The following NNMT variants were observed in gnomAD, a reference collection of about 807,000 sequenced individuals.
The protein encoded by NNMT is nicotinamide N-methyltransferase.
A neutral mutation model predicts 11.7 loss-of-function variants in NNMT; 10 were observed. That is an observed-to-expected ratio of 0.85 (90% confidence interval 0.53 to 1.45). The LOEUF (loss-of-function observed/expected upper bound fraction) is 1.45, where lower values mean the gene tolerates loss of function less well. Ranked by LOEUF, NNMT falls within the 40% of genes most tolerant of loss-of-function variation. The pLI is 0.00. For missense variants in NNMT, 381 were observed against 319.4 expected (o/e 1.19, Z -1.47); for synonymous variants, 143 against 133.8 (o/e 1.07, Z -0.48).
intron 2 of NNMT, among the ~76,000 whole-genome samples, chr11:114,310,858 G>A (rs949500760): frequency 5.3e-5 from 8 of 152,108 alleles, no homozygotes; most frequent in Admixed American, 3.3e-4. Context: ...TCCTTTGTCC[G>A]CCCCTGCTCT....
intron 2 of NNMT, among the ~76,000 whole-genome samples, chr11:114,279,664 G>T (rs1404130894): frequency 6.6e-6 from 1 of 152,214 alleles, no homozygotes; most frequent in Non-Finnish European, 1.5e-5. Flanking sequence ...AGCAGAAGGA[G>T]ACAGTGCTAG....
At chr11:114,277,573 G>T (rs2135253648) in intron 2 of NNMT, among the ~76,000 whole-genome samples, 1 of 152,330 alleles carries the variant, frequency 6.6e-6, no homozygotes, top group East Asian at 1.9e-4. Context: ...AAGGAATGGG[G>T]TTGAGGGGTG....
At chr11:114,286,203 A>G (rs1192870084) in intron 2 of NNMT, among the ~76,000 whole-genome samples, 2 of 152,194 alleles carry the variant, frequency 1.3e-5, no homozygotes, top group East Asian at 3.8e-4. Flanking sequence ...TATCAAGTAG[A>G]CTTGATCTCT....
rs149801990 is a variant in NNMT, at chr11:114,260,340, A to T, written c.-217+2462A>T. On this transcript the variant is annotated intron_variant, in intron 1 of 4. Coordinates refer to the NNMT transcript ENST00000535401. The stretch of plus-strand genomic sequence containing the variant: ...TTCTACCCCTTGCCACGAGAAAGGA[A>T]GCCCTTCCCTATGTGGAACTGAAAC... Among the ~76,000 whole-genome samples the T allele has an allele frequency of 5.1e-4, 77 of 152,346 alleles. No individual in the cohort carries two copies. In the South Asian group the frequency reaches 0.015, roughly 30 times the overall value.
chr11:114,312,521 T>C lies in NNMT; in HGVS notation c.*44T>C. On this transcript the variant is annotated 3_prime_UTR_variant, in exon 3 of 3. Transcript: ENST00000299964. ...AAGCAATTCCTTTGACCTGTCCAGT[T>C]GACTTTAGTCCTTGTTTCTAACTGC... is the stretch of plus-strand genomic sequence containing the variant. 6.4e-7 allele frequency: 1 copy of C among 1,567,528 alleles called. No homozygotes were observed. Among genetic ancestry groups the C allele is most frequent in the South Asian group, 1.2e-5 (1 of 86,486 alleles).
At chr11:114,278,851 T>G (rs1317685034) in intron 2 of NNMT, among the ~76,000 whole-genome samples, 1 of 152,070 alleles carries the variant, frequency 6.6e-6, no homozygotes, top group Non-Finnish European at 1.5e-5. Context: ...GAGCTCCAAG[T>G]GTACACAGGA....
Position 114,312,703 on chromosome 11 carries a change from C to T in NNMT, c.*226C>T. 1.9e-6 allele frequency: 1 copy of T among 528,984 alleles called. No homozygotes were observed. The highest frequency in any genetic ancestry group is 3.3e-6 in the Non-Finnish European group (1 of 299,012). The allele number at this position is 528,984 out of a possible 1,614,324, so 32.8% of individuals were successfully genotyped here. A position where few individuals can be genotyped will look rare whatever the true frequency, so the allele number is the denominator to read the frequency against. ...GACCCAAAGATGAGCAATTAGTATT[C>T]CAGTCTTCATTGCCTGTGCTTACAA... is the stretch of plus-strand genomic sequence containing the variant. On this transcript the variant is annotated 3_prime_UTR_variant, in exon 3 of 3. Coordinates refer to ENST00000299964, the MANE Select transcript of NNMT (RefSeq NM_006169.3).
chr11:114,310,381 T>C (rs879443681), intron 2 of NNMT, among the ~76,000 whole-genome samples: 10 of 152,262 alleles, frequency 6.6e-5, no homozygotes, highest in Admixed American at 3.9e-4. Flanking sequence ...TTTCATCTGC[T>C]AATTGCTAAG....
intron 2 of NNMT, among the ~76,000 whole-genome samples, chr11:114,271,672 T>A (rs1382171917): frequency 3.9e-5 from 6 of 152,192 alleles, no homozygotes; most frequent in African/African-American, 1.4e-4. Context: ...CTTCCTGTGT[T>A]CCCTACTTTA....
chr11:114,265,755 A>G (rs1945115090), intron 2 of NNMT, among the ~76,000 whole-genome samples: 1 of 152,156 alleles, frequency 6.6e-6, no homozygotes, highest in South Asian at 2.1e-4. Context: ...CTTTGGCTGT[A>G]TTTGCTTCCA....
chr11:114,303,086 T>G (rs1945454195), intron 2 of NNMT, among the ~76,000 whole-genome samples: 1 of 152,240 alleles, frequency 6.6e-6, no homozygotes. Context: ...GGCTATATTA[T>G]GCATATATTT....
Position 114,312,249 on chromosome 11 carries a change from A to AG in NNMT, c.572dup (p.Phe192LeufsTer17). On this transcript the variant is annotated frameshift_variant, in exon 3 of 3. Coordinates refer to ENST00000299964, the MANE Select transcript of NNMT (RefSeq NM_006169.3). LOFTEE classifies it low-confidence loss of function (END_TRUNC). Reference sequence around the variant, plus strand: ...GGAACCTCGGCAGCCTACTGAAGCCAGGGGGCTTCCTGGTGATCATGGATG... The same window carrying AG: ...GGAACCTCGGCAGCCTACTGAAGCCAGGGGGGCTTCCTGGTGATCATGGATG... 1 of 1,614,192 alleles carries AG rather than the reference A, an allele frequency of 6.2e-7. No individual in the cohort carries two copies. The highest frequency in any genetic ancestry group is 2.2e-5 in the East Asian group (1 of 44,870).
At chr11:114,280,520 G>C (rs1398404936) in intron 2 of NNMT, among the ~76,000 whole-genome samples, 1 of 152,128 alleles carries the variant, frequency 6.6e-6, no homozygotes, top group Non-Finnish European at 1.5e-5. Context: ...CCCTGCCCCA[G>C]AGAATCCCCT....
intron 1 of NNMT, among the ~76,000 whole-genome samples, chr11:114,297,652 A>C (rs1945395417): frequency 6.6e-6 from 1 of 151,936 alleles, no homozygotes. Flanking sequence ...TGCCTAGCTA[A>C]TTTTAAAATT....
chr11:114,283,724 CT>C (rs1024382215), intron 2 of NNMT, among the ~76,000 whole-genome samples: 16 of 151,962 alleles, frequency 1.1e-4, no homozygotes, highest in Admixed American at 3.9e-4. Flanking sequence ...GCCTTTGTTG[CT>C]TTTTTTTCAA....
chr11:114,277,030 C>T (rs1384526038), intron 2 of NNMT, among the ~76,000 whole-genome samples: 1 of 151,924 alleles, frequency 6.6e-6, no homozygotes, highest in African/African-American at 2.4e-5. Context: ...TCAAGACCAG[C>T]CTGGTCAACA....
At chr11:114,268,655 G>C (rs1451739466) in intron 2 of NNMT, among the ~76,000 whole-genome samples, 1 of 151,706 alleles carries the variant, frequency 6.6e-6, no homozygotes, top group Non-Finnish European at 1.5e-5. Flanking sequence ...TGTAGTCCCA[G>C]CTACTCGGGA....
rs749255802 is a variant in NNMT, at chr11:114,298,040, G to A, written c.244G>A (p.Val82Ile). The A allele has an allele frequency of 8.1e-6, 13 of 1,613,944 alleles. No homozygotes were observed. Among genetic ancestry groups the A allele is most frequent in the Middle Eastern group, 1.6e-4 (1 of 6,070 alleles). The stretch of plus-strand genomic sequence containing the variant: ...TGCTTGTGAATCCTTTAAGGAGATC[G>A]TCGTCACTGACTACTCAGACCAGAA... ...LSACESFKEI[V>I]VTDYSDQNLQ... The change falls in exon 2 of 3, where the codon GTC (valine) becomes ATC (isoleucine). Residue 82 changes from valine to isoleucine, a missense_variant. By Grantham distance (29) the Val-to-Ile change is conservative. Transcript: ENST00000299964.
At chr11:114,277,123 TGAAGCAG>T (rs1361393096) in intron 2 of NNMT, among the ~76,000 whole-genome samples, 3 of 152,088 alleles carry the variant, frequency 2.0e-5, no homozygotes, top group Admixed American at 6.6e-5. Context: ...CTCGGGAGGC[TGAAGCAG>T]GAGAATCTCT....
Sources: allele counts gnomAD v4.1 joint callset (sites outside exome capture counted in the v4.1 genomes callset), GRCh38; gene constraint gnomAD v4.1.1; transcripts MANE v1.5; gene names NCBI Gene and HGNC (gene_info 2026-07-23, HGNC 2026-07-21).